SEMA3B: variants seen among roughly 807,000 people sequenced by gnomAD.
SEMA3B encodes the protein semaphorin 3B.
In SEMA3B, 71 loss-of-function variants were observed where a neutral mutation model predicts 77.8. The ratio of observed to expected loss-of-function variants is 0.91; its 90% CI spans 0.75 to 1.11. The LOEUF is 1.11. Among genes scored for constraint, SEMA3B ranks in the 50% most tolerant of loss-of-function variants. The pLI is 0.00. For synonymous variants in SEMA3B, 470 were observed against 452.9 expected (o/e 1.04, Z -0.48); for missense variants, 968 against 1,056.8 (o/e 0.92, Z 1.17).
chr3:50,271,155 G>A lies in SEMA3B; in HGVS notation c.518G>A (p.Arg173Lys). Residue 173 changes from arginine (R) to lysine (K), a missense_variant, in exon 5 of 17, where the codon AGG becomes AAG. By Grantham distance (26) the Arg-to-Lys change is conservative (BLOSUM62 2). Transcript: ENST00000616701. Reference protein sequence around the residue: ...DGKGKSPYDPRHRAASVLVGE... With the variant: ...DGKGKSPYDPKHRAASVLVGE... ...AAGGGGAAGAGTCCTTATGACCCCA[G>A]GCATCGGGCTGCCTCCGTGCTGGTG... 1.3e-6 allele frequency: 2 copies of A among 1,581,798 alleles called. No homozygotes were observed. The highest frequency in any genetic ancestry group is 1.7e-6 in the Non-Finnish European group (2 of 1,164,086).
chr3:50,273,590 C>T lies in SEMA3B; in HGVS notation c.866C>T (p.Ala289Val). ...LVNKWTTFLK[A>V]RLVCSVPGVE... Reference sequence around the variant, plus strand: ...AACAAGTGGACGACGTTCCTGAAGGCGCGGCTGGTGTGCTCGGTGCCCGGC... The same window carrying T: ...AACAAGTGGACGACGTTCCTGAAGGTGCGGCTGGTGTGCTCGGTGCCCGGC... The change falls in exon 8 of 17, where the codon GCG becomes GTG. Residue 289 changes from alanine (A) to valine (V), a missense_variant. By Grantham distance (64) the Ala-to-Val change is moderately conservative. Coordinates refer to ENST00000616701, the MANE Select transcript of SEMA3B (RefSeq NM_001290060.2). This position sits in a 1 kb window ranked among gnomAD's most constrained non-coding sequence, Gnocchi z 6.5. The T allele has an allele frequency of 1.2e-6, 2 of 1,613,152 alleles. No individual in the cohort carries two copies. Among genetic ancestry groups the T allele is most frequent in the Non-Finnish European group, 1.7e-6 (2 of 1,179,740 alleles).
At chr3:50,269,024 C>T (rs1201867076), upstream of SEMA3B, 25 of 583,628 alleles carry the variant, frequency 4.3e-5, no homozygotes, top group South Asian at 1.2e-4. The surrounding 1 kb of genome is among the most constrained non-coding windows in gnomAD (Gnocchi z 4.0). Context: ...TGTGGCCAGG[C>T]GGGGCACCCT....
chr3:50,261,247 G>A, the SEMA3B span: 1 of 152,294 alleles, frequency 6.6e-6, no homozygotes, highest in African/African-American at 2.4e-5. Context: ...AACTGCAGCT[G>A]TGAGGCCCAG....
In SEMA3B at chr3:50,275,234, A is replaced by G. The variant is rs917231925; in HGVS notation, c.1492-68A>G. The G allele has an allele frequency of 5.4e-6, 8 of 1,471,010 alleles. No individual in the cohort carries two copies. Among genetic ancestry groups the G allele is most frequent in the Non-Finnish European group, 7.2e-6 (8 of 1,106,758 alleles). 91.1% of individuals were successfully genotyped at this position (1,471,010 alleles called of 1,614,324 possible). A position where few individuals can be genotyped will look rare whatever the true frequency, so the allele number is the denominator to read the frequency against. On this transcript the variant is annotated intron_variant, in intron 13 of 16. Coordinates refer to ENST00000616701, the MANE Select transcript of SEMA3B (RefSeq NM_001290060.2). The surrounding 1 kb of genome is among the most constrained non-coding windows in gnomAD (Gnocchi z 7.5). ...TCCCATCTGTCGAGTGGAAGAAGGG[A>G]TCCCTGACCGATGGGAGGCAGGCGT...
At chr3:50,265,376 G>T (rs1700878063), upstream of SEMA3B, among the ~76,000 whole-genome samples, 1 of 152,212 alleles carries the variant, frequency 6.6e-6, no homozygotes. Context: ...CACTGGGAGG[G>T]TTGCCACAAC....
At position 50,270,709 on chromosome 3, in the gene SEMA3B, C is replaced by G; in HGVS notation, c.331-181C>G. The G allele has an allele frequency of 8.3e-7, 1 of 1,210,944 alleles. No homozygotes were observed. Among genetic ancestry groups the G allele is most frequent in the South Asian group, 1.5e-5 (1 of 65,588 alleles). 75.0% of individuals were successfully genotyped at this position (1,210,944 alleles called of 1,614,324 possible). ...GGGAGGCTTTGCAGGCCTGTGCTTC[C>G]CCAGACACCCACCCTCGTGAGGCCT... is the stretch of plus-strand genomic sequence containing the variant. On this transcript the variant is annotated intron_variant, in intron 3 of 16. Coordinates refer to ENST00000616701, the MANE Select transcript of SEMA3B (RefSeq NM_001290060.2). The surrounding 1 kb of genome is among the most constrained non-coding windows in gnomAD (Gnocchi z 4.7).
At chr3:50,264,223 A>AG (rs1248746829), upstream of SEMA3B, among the ~76,000 whole-genome samples, 1 of 150,982 alleles carries the variant, frequency 6.6e-6, no homozygotes, top group Non-Finnish European at 1.5e-5. Context: ...AAAAAGAAGA[A>AG]AAAAAAAAGT....
Position 50,274,655 on chromosome 3 carries a change from T to A in SEMA3B, c.1357+73T>A, listed in dbSNP as rs1210163099. 2 of 1,486,394 alleles carry A rather than the reference T, an allele frequency of 1.3e-6. No homozygotes were observed. Among genetic ancestry groups the A allele is most frequent in the African/African-American group, 2.8e-5 (2 of 71,502 alleles). The allele number at this position is 1,486,394 out of a possible 1,614,324, so 92.1% of individuals were successfully genotyped here. A position where few individuals can be genotyped will look rare whatever the true frequency, so the allele number is the denominator to read the frequency against. ...GGGCTGCTGATGGAAGCTCTCCCTGTTCAGTCCCATCTCCACATCCTTTCC... is the reference window on the plus strand; with the variant it reads ...GGGCTGCTGATGGAAGCTCTCCCTGATCAGTCCCATCTCCACATCCTTTCC... On this transcript the variant is annotated intron_variant, in intron 11 of 16. Coordinates refer to ENST00000616701, the MANE Select transcript of SEMA3B (RefSeq NM_001290060.2). The surrounding 1 kb of genome is among the most constrained non-coding windows in gnomAD (Gnocchi z 4.7).
rs1255396939 is a variant in SEMA3B, at chr3:50,277,098, G to T, written c.*392G>T. ...GGGCTGCTGGAGGTGGGGCGAGGCA[G>T]GCCGACTGTACTAAAGTAACGCAAT... On this transcript the variant is annotated 3_prime_UTR_variant, in exon 17 of 17. Transcript: ENST00000616701. The T allele has an allele frequency of 2.1e-5, 5 of 236,816 alleles. No individual in the cohort carries two copies. The highest frequency in any genetic ancestry group is 1.1e-4 in the African/African-American group (5 of 44,434). The allele number at this position is 236,816 out of a possible 1,614,324, so 14.7% of individuals were successfully genotyped here.
chr3:50,268,241 T>C (rs943698454), upstream of SEMA3B, among the ~76,000 whole-genome samples: 1 of 152,202 alleles, frequency 6.6e-6, no homozygotes, highest in Non-Finnish European at 1.5e-5. Context: ...CTGCTTCAGC[T>C]GGGTTGGGAG....
In SEMA3B at chr3:50,274,511, C is replaced by A. The variant is rs781935191; in HGVS notation, c.1286C>A (p.Thr429Asn). 11 of 1,568,832 alleles carry A rather than the reference C, an allele frequency of 7.0e-6. No homozygotes were observed. The highest frequency in any genetic ancestry group is 9.5e-6 in the Non-Finnish European group (11 of 1,159,282). ...PLFLQVGANYTFTQIAADRVA... is the reference protein window; with the variant it reads ...PLFLQVGANYNFTQIAADRVA... Reference sequence around the variant, plus strand: ...TTCCTACAAGTTGGAGCCAATTACACCTTCACTCAAATTGCCGCGGACCGG... The same window carrying A: ...TTCCTACAAGTTGGAGCCAATTACAACTTCACTCAAATTGCCGCGGACCGG... The change falls in exon 11 of 17, where the codon ACC becomes AAC. Residue 429 changes from threonine (T) to asparagine (N), a missense_variant. Transcript: ENST00000616701. The surrounding 1 kb of genome is among the most constrained non-coding windows in gnomAD (Gnocchi z 4.7).
In SEMA3B at chr3:50,274,239, C is replaced by CT; in HGVS notation, c.1138-123dup. The stretch of plus-strand genomic sequence containing the variant: ...TCCTAGGGCAAGGCTGATCTCCTCT[C>CT]TAATTCTCAGGGCAGGGTTCTGTCC... On this transcript the variant is annotated intron_variant, in intron 10 of 16. Coordinates refer to ENST00000616701, the MANE Select transcript of SEMA3B (RefSeq NM_001290060.2). The surrounding 1 kb of genome is among the most constrained non-coding windows in gnomAD (Gnocchi z 4.7). The CT allele has an allele frequency of 8.0e-7, 1 of 1,242,728 alleles. No homozygotes were observed. Among genetic ancestry groups the CT allele is most frequent in the East Asian group, 2.4e-5 (1 of 41,352 alleles). The allele number at this position is 1,242,728 out of a possible 1,614,324, so 77.0% of individuals were successfully genotyped here. A position where few individuals can be genotyped will look rare whatever the true frequency, so the allele number is the denominator to read the frequency against.
chr3:50,265,976 C>T (rs114371770), upstream of SEMA3B, among the ~76,000 whole-genome samples: 788 of 152,252 alleles, frequency 5.2e-3, 7 homozygotes, highest in African/African-American at 0.018. Context: ...CAGTCTAGTC[C>T]TTTTGGCTGG....
Position 50,276,075 on chromosome 3 carries a change from G to GTCC in SEMA3B, c.1846-226_1846-224dup, listed in dbSNP as rs1487695276. The GTCC allele has an allele frequency of 2.5e-5, 20 of 794,808 alleles. No individual in the cohort carries two copies. Among genetic ancestry groups the GTCC allele is most frequent in the African/African-American group, 3.5e-5 (2 of 56,622 alleles). 49.2% of individuals were successfully genotyped at this position (794,808 alleles called of 1,614,324 possible). ...ACCCGCCCTCGACCCTCCCATTAAG[G>GTCC]TCCCTGACCACCCCCCACCAAGTTC... On this transcript the variant is annotated intron_variant, in intron 16 of 16. Coordinates refer to ENST00000616701, the MANE Select transcript of SEMA3B (RefSeq NM_001290060.2). This position sits in a 1 kb window ranked among gnomAD's most constrained non-coding sequence, Gnocchi z 5.8.
In SEMA3B at chr3:50,270,142, A is replaced by C; in HGVS notation, c.125A>C (p.His42Pro). Residue 42 changes from histidine (H) to proline (P), a missense_variant, in exon 2 of 17, where the codon CAT (histidine) becomes CCT (proline). His to Pro is a moderately conservative substitution (Grantham distance 77). Transcript: ENST00000616701. The surrounding 1 kb of genome is among the most constrained non-coding windows in gnomAD (Gnocchi z 4.7). ...TGCCCTGCAGAGCTCCAGGCCTGGC[A>C]TGGTCTCCAGACTTTCAGCCTGGAG... ...RLSFQELQAW[H>P]GLQTFSLERT... 6.4e-7 allele frequency: 1 copy of C among 1,558,342 alleles called. No homozygotes were observed. The highest frequency in any genetic ancestry group is 2.4e-5 in the East Asian group (1 of 41,400).
chr3:50,265,071 A>C (rs1405151407), upstream of SEMA3B, among the ~76,000 whole-genome samples: 1 of 152,212 alleles, frequency 6.6e-6, no homozygotes, highest in Non-Finnish European at 1.5e-5. Context: ...CTTTCAAAAA[A>C]GGTGGGCCAG....
At position 50,272,132 on chromosome 3, in the gene SEMA3B, G is replaced by A. The variant is rs138213870; in HGVS notation, c.664+652G>A. 5.7e-3 allele frequency among the ~76,000 whole-genome samples: 871 copies of A among 152,256 alleles called. 8 individuals are homozygous for A. The highest frequency in any genetic ancestry group is 0.02 in the African/African-American group (822 of 41,542). On this transcript the variant is annotated intron_variant, in intron 6 of 16. Coordinates refer to ENST00000616701, the MANE Select transcript of SEMA3B (RefSeq NM_001290060.2). ...AATAAAATAAAATTAGCTGGGGGCAGTGGCATGCACACACCTGTAGTCCTG... is the reference window on the plus strand; with the variant it reads ...AATAAAATAAAATTAGCTGGGGGCAATGGCATGCACACACCTGTAGTCCTG...
chr3:50,265,277 C>T (rs1370278281), upstream of SEMA3B, among the ~76,000 whole-genome samples: 1 of 152,174 alleles, frequency 6.6e-6, no homozygotes, highest in African/African-American at 2.4e-5. Flanking sequence ...GTGGCCAGAA[C>T]AAGGAAGAGT....
At position 50,274,556 on chromosome 3, in the gene SEMA3B, A is replaced by C. The variant is rs782693703; in HGVS notation, c.1331A>C (p.His444Pro). The stretch of plus-strand genomic sequence containing the variant: ...GACCGGGTTGCAGCCGCTGACGGAC[A>C]CTATGACGTCCTCTTCATTGGCACA... Reference protein sequence around the residue: ...AADRVAAADGHYDVLFIGTDV... With the variant: ...AADRVAAADGPYDVLFIGTDV... Residue 444 changes from histidine to proline, a missense_variant, in exon 11 of 17, where the codon CAC becomes CCC. By Grantham distance (77) the His-to-Pro change is moderately conservative. Coordinates refer to ENST00000616701, the MANE Select transcript of SEMA3B (RefSeq NM_001290060.2). The surrounding 1 kb of genome is among the most constrained non-coding windows in gnomAD (Gnocchi z 4.7). 13 of 1,551,826 alleles carry C rather than the reference A, an allele frequency of 8.4e-6. No homozygotes were observed. Among genetic ancestry groups the C allele is most frequent in the Non-Finnish European group, 1.1e-5 (13 of 1,149,856 alleles).
Sources: allele counts gnomAD v4.1 joint callset (sites outside exome capture counted in the v4.1 genomes callset), GRCh38; gene constraint gnomAD v4.1.1; non-coding constraint Gnocchi (gnomAD v3.1); transcripts MANE v1.5; gene names NCBI Gene and HGNC (gene_info 2026-07-23, HGNC 2026-07-21).